Variants in HMGA2 observed in about 807,000 individuals in gnomAD.
HMGA2 encodes the protein high mobility group AT-hook 2.
A neutral mutation model predicts 19.1 loss-of-function variants in HMGA2; 8 were observed. The ratio of observed to expected loss-of-function variants is 0.42; its 90% CI spans 0.25 to 0.76. The LOEUF is 0.76. HMGA2 is among the 30% of genes least tolerant of loss of function. The probability of loss-of-function intolerance (pLI) is 0.28; values close to 1 mark genes in which losing one functional copy is unlikely to be tolerated. For synonymous variants in HMGA2, 60 were observed against 48.8 expected, an observed-to-expected ratio of 1.23 and a Z score of -0.96; for missense variants, 109 against 136.3, an observed-to-expected ratio of 0.80 and a Z score of 1.00.
intron 3 of HMGA2, among the ~76,000 whole-genome samples, chr12:65,865,469 AT>A (rs1455133311): frequency 6.6e-6 from 1 of 152,198 alleles, no homozygotes; most frequent in Non-Finnish European, 1.5e-5. Flanking sequence ...TTGTTTTAAA[AT>A]AATTGTATTA....
intron 3 of HMGA2, among the ~76,000 whole-genome samples, chr12:65,853,450 A>G (rs1345372558): frequency 3.3e-5 from 5 of 152,160 alleles, no homozygotes; most frequent in Non-Finnish European, 5.9e-5. Context: ...CTGAAAGTAC[A>G]TAAGTTTGAG....
chr12:65,934,701 A>T (rs551038863), intron 3 of HMGA2: 1 of 152,274 alleles, frequency 6.6e-6, no homozygotes, highest in South Asian at 2.1e-4. Context: ...CTTGAAAGTG[A>T]TTTGCACATA....
intron 3 of HMGA2, chr12:65,866,789 A>G (rs755876449): frequency 3.5e-5 from 16 of 453,522 alleles, no homozygotes; most frequent in South Asian, 2.0e-4. Context: ...AAAAAAAAAA[A>G]TCACTAACAC....
Position 65,825,509 on chromosome 12 carries a change from C to T in HMGA2, c.111+128C>T. The T allele has an allele frequency of 2.2e-6, 1 of 455,324 alleles. No individual in the cohort carries two copies. Among genetic ancestry groups the T allele is most frequent in the Non-Finnish European group, 3.3e-6 (1 of 302,512 alleles). The allele number at this position is 455,324 out of a possible 1,614,324, so 28.2% of individuals were successfully genotyped here. A position where few individuals can be genotyped will look rare whatever the true frequency, so the allele number is the denominator to read the frequency against. ...CCGTCGCACACTGCCCGCCGGCCGG[C>T]CGGGGGGAGCGGCGCAGACCCCACG... is the stretch of plus-strand genomic sequence containing the variant. On this transcript the variant is annotated intron_variant, in intron 1 of 4. Coordinates refer to ENST00000403681, the MANE Select transcript of HMGA2 (RefSeq NM_003483.6). The surrounding 1 kb of genome is among the most constrained non-coding windows in gnomAD (Gnocchi z 4.4).
rs533895887 is a variant in HMGA2, at chr12:65,833,902, G to C, written c.199-4617G>C. On this transcript the variant is annotated intron_variant, in intron 2 of 4. Coordinates refer to ENST00000403681, the MANE Select transcript of HMGA2 (RefSeq NM_003483.6). ...GAAAATTGGTAAGTATTATATTTGT[G>C]GGTAGCATTTTAAAATAAGGGGAGG... Among the ~76,000 whole-genome samples, 228 of 152,224 alleles carry C rather than the reference G, an allele frequency of 1.5e-3. 3 individuals are homozygous for C. Among genetic ancestry groups the C allele is most frequent in the African/African-American group, 5.1e-3 (212 of 41,542 alleles).
At chr12:65,944,956 C>G (rs748769348) in intron 3 of HMGA2, among the ~76,000 whole-genome samples, 3 of 152,048 alleles carry the variant, frequency 2.0e-5, no homozygotes, top group Non-Finnish European at 4.4e-5. Context: ...ACTGCAGCCT[C>G]GAACTTCTGG....
chr12:65,931,401 C>T (rs1240460008), intron 3 of HMGA2, among the ~76,000 whole-genome samples: 1 of 152,076 alleles, frequency 6.6e-6, no homozygotes, highest in Non-Finnish European at 1.5e-5. Context: ...TTACCCCCTC[C>T]CGAAACCATC....
At chr12:65,868,563 T>C (rs568950691) in intron 3 of HMGA2, among the ~76,000 whole-genome samples, 3 of 152,314 alleles carry the variant, frequency 2.0e-5, no homozygotes, top group Non-Finnish European at 2.9e-5. Flanking sequence ...ACCACCTACG[T>C]TGAATATGGA....
chr12:65,908,884 C>T (rs558157217), intron 3 of HMGA2, among the ~76,000 whole-genome samples: 29 of 152,196 alleles, frequency 1.9e-4, no homozygotes, highest in Non-Finnish European at 4.0e-4. Flanking sequence ...CTACTTTGGC[C>T]CGACCTGAAT....
chr12:65,869,710 A>G (rs1872611130), intron 3 of HMGA2, among the ~76,000 whole-genome samples: 4 of 152,252 alleles, frequency 2.6e-5, no homozygotes, highest in Admixed American at 2.6e-4. Context: ...ATTCTTAGCC[A>G]GTACTTATTA....
chr12:65,834,696 G>A (rs1870637039), intron 2 of HMGA2, among the ~76,000 whole-genome samples: 1 of 151,266 alleles, frequency 6.6e-6, no homozygotes, highest in African/African-American at 2.4e-5. Flanking sequence ...CGAGGCACTA[G>A]TGCTAAGCAC....
intron 3 of HMGA2, among the ~76,000 whole-genome samples, chr12:65,888,756 G>C (rs1873778754): frequency 6.6e-6 from 1 of 151,078 alleles, no homozygotes; most frequent in South Asian, 2.1e-4. Context: ...GTAGAGACGG[G>C]GTTTCACCGT....
intron 2 of HMGA2, chr12:65,828,875 G>T (rs1870351371): frequency 6.6e-6 from 1 of 152,168 alleles, no homozygotes; most frequent in Admixed American, 6.5e-5. Context: ...CTTCAGGTTG[G>T]CTGTGTTTAA....
At chr12:65,947,658 G>A (rs1876315082) in intron 3 of HMGA2, among the ~76,000 whole-genome samples, 1 of 152,206 alleles carries the variant, frequency 6.6e-6, no homozygotes, top group African/African-American at 2.4e-5. Flanking sequence ...TGCCTAAACT[G>A]TATAAACTCC....
intron 3 of HMGA2, among the ~76,000 whole-genome samples, chr12:65,916,072 A>G (rs1400752804): frequency 6.6e-6 from 1 of 152,168 alleles, no homozygotes; most frequent in Non-Finnish European, 1.5e-5. Context: ...CTTGCCAGAA[A>G]AGAAGATCCT....
chr12:65,951,978 G>A (rs1876474955), intron 4 of HMGA2: 1 of 172,600 alleles, frequency 5.8e-6, no homozygotes, highest in African/African-American at 2.4e-5. Context: ...CATCAAATTG[G>A]AAAATAGCTC....
At chr12:65,959,528 A>C (rs541035564) in intron 4 of HMGA2, among the ~76,000 whole-genome samples, 111 of 152,358 alleles carry the variant, frequency 7.3e-4, no homozygotes, top group South Asian at 2.5e-3. Context: ...AAGTAGCTGC[A>C]TGATGGCTGG....
At chr12:65,926,696 C>T (rs1875516401) in intron 3 of HMGA2, among the ~76,000 whole-genome samples, 2 of 152,176 alleles carry the variant, frequency 1.3e-5, no homozygotes, top group South Asian at 2.1e-4. Flanking sequence ...GATTTGGATG[C>T]TGGTTTACAG....
At chr12:65,930,589 T>C (rs1264679747) in intron 3 of HMGA2, among the ~76,000 whole-genome samples, 1 of 152,228 alleles carries the variant, frequency 6.6e-6, no homozygotes, top group Non-Finnish European at 1.5e-5. Context: ...TTTGCAGCTA[T>C]TGGGATTCTG....
Sources: allele counts gnomAD v4.1 joint callset (sites outside exome capture counted in the v4.1 genomes callset), GRCh38; gene constraint gnomAD v4.1.1; non-coding constraint Gnocchi (gnomAD v3.1); transcripts MANE v1.5; gene names NCBI Gene and HGNC (gene_info 2026-07-23, HGNC 2026-07-21).